PPFIA2: variants seen among roughly 807,000 people sequenced by gnomAD.
PPFIA2 encodes PPFI scaffold protein A2.
A neutral mutation model predicts 175.5 loss-of-function variants in PPFIA2; 46 were observed. That is an observed-to-expected ratio of 0.26 (90% CI 0.21 to 0.34). The LOEUF (loss-of-function observed/expected upper bound fraction) is 0.34. Ranked by LOEUF, PPFIA2 falls within the 10% of genes least tolerant of loss-of-function variation. PPFIA2 has a pLI of 1.00. For synonymous variants in PPFIA2, 568 were observed against 511.4 expected (o/e 1.11, Z -1.49); for missense variants, 1,179 against 1,506.1 (o/e 0.78, Z 3.60).
intron 4 of PPFIA2, among the ~76,000 whole-genome samples, chr12:81,566,530 C>CAAAAAAAAAAAAAAAAAAAAAAAAAA (rs3075452): frequency 7.3e-5 from 5 of 68,454 alleles, no homozygotes; most frequent in Non-Finnish European, 1.4e-4. Flanking sequence ...GACTCCAACT[C>CAAAAAAAAAAAAAAAAAAAAAAAAAA]AAAAAAAAAA....
chr12:81,624,637 T>C (rs1276173698), intron 4 of PPFIA2, among the ~76,000 whole-genome samples: 1 of 146,906 alleles, frequency 6.8e-6, no homozygotes, highest in East Asian at 1.9e-4. Context: ...ATATATATTA[T>C]ATATGTATAA....
chr12:81,514,178 C>T (rs528267658), intron 4 of PPFIA2, among the ~76,000 whole-genome samples: 1 of 152,016 alleles, frequency 6.6e-6, no homozygotes, highest in South Asian at 2.1e-4. Flanking sequence ...AGTTCCCCCC[C>T]TGAACAAATA....
intron 8 of PPFIA2, among the ~76,000 whole-genome samples, chr12:81,388,114 A>G (rs1191492920): frequency 1.3e-5 from 2 of 152,324 alleles, no homozygotes; most frequent in East Asian, 3.9e-4. Flanking sequence ...TCAAAGAATT[A>G]GGTCTGTAGA....
chr12:81,634,805 T>C (rs2063798642), intron 4 of PPFIA2, among the ~76,000 whole-genome samples: 1 of 152,016 alleles, frequency 6.6e-6, no homozygotes, highest in African/African-American at 2.4e-5. Context: ...CCCTTGCTTG[T>C]TTTTTTCTTC....
chr12:81,500,191 G>C (rs2060447902), intron 4 of PPFIA2, among the ~76,000 whole-genome samples: 1 of 151,986 alleles, frequency 6.6e-6, no homozygotes, highest in African/African-American at 2.4e-5. Context: ...CTGCCCTTTG[G>C]TAGTTATAAG....
intron 4 of PPFIA2, among the ~76,000 whole-genome samples, chr12:81,473,590 G>T (rs766402092): frequency 4.6e-5 from 7 of 152,160 alleles, no homozygotes; most frequent in Non-Finnish European, 5.9e-5. Flanking sequence ...TCCTGAAGCA[G>T]CCGCATAATA....
At chr12:81,653,223 C>T (rs1275534880) in intron 4 of PPFIA2, among the ~76,000 whole-genome samples, 1 of 152,114 alleles carries the variant, frequency 6.6e-6, no homozygotes, top group Non-Finnish European at 1.5e-5. Context: ...CCACTTCCAT[C>T]ATTTTCCATA....
chr12:81,706,917 G>C (rs1344595993), intron 3 of PPFIA2, among the ~76,000 whole-genome samples: 1 of 152,044 alleles, frequency 6.6e-6, no homozygotes, highest in Non-Finnish European at 1.5e-5. Context: ...ACAAGCAATG[G>C]GGAAAGGATT....
At chr12:81,659,586 C>T (rs568824689) in intron 4 of PPFIA2, among the ~76,000 whole-genome samples, 7 of 152,188 alleles carry the variant, frequency 4.6e-5, no homozygotes, top group Non-Finnish European at 8.8e-5. Flanking sequence ...CCCACTGCAG[C>T]TCAAGGAGGC....
intron 4 of PPFIA2, among the ~76,000 whole-genome samples, chr12:81,553,624 G>GGAGC (rs1202325599): frequency 6.6e-6 from 1 of 152,030 alleles, no homozygotes; most frequent in African/African-American, 2.4e-5. Context: ...GCGGAAGAGA[G>GGAGC]GAGCCATAGA....
chr12:81,342,482 C>A (rs2058287302), intron 19 of PPFIA2, among the ~76,000 whole-genome samples: 1 of 152,064 alleles, frequency 6.6e-6, no homozygotes, highest in South Asian at 2.1e-4. Context: ...TGAGGAACTT[C>A]ATGAAATTGT....
chr12:81,313,837 C>T (rs2051601468), intron 22 of PPFIA2, among the ~76,000 whole-genome samples: 1 of 151,918 alleles, frequency 6.6e-6, no homozygotes, highest in Non-Finnish European at 1.5e-5. Context: ...ATTAAATTTG[C>T]ACGTAGTGAA....
chr12:81,488,498 A>G (rs1455029720), intron 4 of PPFIA2, among the ~76,000 whole-genome samples: 1 of 151,598 alleles, frequency 6.6e-6, no homozygotes, highest in African/African-American at 2.4e-5. Context: ...CTGTCACCAT[A>G]TCCATTATCA....
At chr12:81,533,715 C>A (rs146896120) in intron 4 of PPFIA2, among the ~76,000 whole-genome samples, 1 of 135,916 alleles carries the variant, frequency 7.4e-6, no homozygotes, top group Non-Finnish European at 1.6e-5. Context: ...ATCTATCTAT[C>A]TATCTATCTA....
rs2055031578 is a variant in PPFIA2 at position 81,463,499 on chromosome 12, C to G, written c.304-5633G>C. The stretch of plus-strand genomic sequence containing the variant: ...AAAGAGCAAAGTGACTTTCCCCACT[C>G]TATATTTTGTCCTTTGGAATTTTAA... On this transcript the variant is annotated intron_variant, in intron 4 of 32. Transcript: ENST00000549396. Among the ~76,000 whole-genome samples the G allele has an allele frequency of 2.0e-5, 3 of 152,084 alleles. No homozygotes were observed. In the South Asian group the frequency reaches 6.2e-4, roughly 32 times the overall value.
At chr12:81,588,940 G>A (rs1408086818) in intron 4 of PPFIA2, among the ~76,000 whole-genome samples, 2 of 152,084 alleles carry the variant, frequency 1.3e-5, no homozygotes, top group Middle Eastern at 3.4e-3. Context: ...CTGAAACATA[G>A]AGTTATTTTA....
intron 4 of PPFIA2, among the ~76,000 whole-genome samples, chr12:81,634,455 CA>C (rs1706529162): frequency 6.6e-6 from 1 of 152,002 alleles, no homozygotes; most frequent in South Asian, 2.1e-4. Context: ...TGAAGCATCC[CA>C]ATCCAGCTGT....
In PPFIA2 at chr12:81,753,983, G is replaced by A. The variant is rs2084250577; in HGVS notation, c.239C>T (p.Ala80Val). The A allele has an allele frequency of 1.9e-6, 3 of 1,613,772 alleles. No homozygotes were observed. Among genetic ancestry groups the A allele is most frequent in the Non-Finnish European group, 2.5e-6 (3 of 1,179,790 alleles). The change falls in exon 3 of 33, where the codon GCC becomes GTC. Residue 80 changes from alanine (A) to valine (V), a missense_variant. This residue lies in a region of PPFIA2 where 128 missense variants were observed against 141.4 expected (regional missense o/e 0.91). Transcript: ENST00000549396. Reference sequence around the variant, plus strand: ...TACCAGGAAGCATACCTGTGGCAGGGCTGAATTGAGCTGTCTCTGGAGTGA... The same window carrying A: ...TACCAGGAAGCATACCTGTGGCAGGACTGAATTGAGCTGTCTCTGGAGTGA... ...RDSLQRQLNS[A>V]LPQDIESLTG...
chr12:81,716,162 A>C (rs1488672919), intron 3 of PPFIA2, among the ~76,000 whole-genome samples: 1 of 151,734 alleles, frequency 6.6e-6, no homozygotes, highest in Non-Finnish European at 1.5e-5. Context: ...GTAGAATAAC[A>C]ATTTTTATAA....
Sources: allele counts gnomAD v4.1 joint callset (sites outside exome capture counted in the v4.1 genomes callset), GRCh38; gene constraint gnomAD v4.1.1; regional missense constraint gnomAD v4.1.1; transcripts MANE v1.5; gene names NCBI Gene and HGNC (gene_info 2026-07-23, HGNC 2026-07-21).